XPO6: variants seen among roughly 807,000 people sequenced by gnomAD.
XPO6 encodes exportin 6.
A neutral mutation model predicts 130.0 loss-of-function variants in XPO6; 3 were observed. The ratio of observed to expected loss-of-function variants is 0.02; its 90% CI spans 0.01 to 0.06. The LOEUF is 0.06. Ranked by LOEUF, XPO6 falls within the 10% of genes least tolerant of loss-of-function variation. XPO6 has a pLI of 1.00. For missense variants in XPO6, 970 were observed against 1,393.0 expected, an observed-to-expected ratio of 0.70 and a Z score of 4.83; for synonymous variants, 524 against 548.9, an observed-to-expected ratio of 0.95 and a Z score of 0.63.
chr16:28,139,174 G>A (rs1035742437), intron 9 of XPO6, among the ~76,000 whole-genome samples: 2 of 152,188 alleles, frequency 1.3e-5, no homozygotes, highest in Non-Finnish European at 1.5e-5. Context: ...CAATAGGACT[G>A]TTGCCCTTAT....
rs117969488 is a variant in XPO6, at chr16:28,132,906, G to A, written c.1537-503C>T. On this transcript the variant is annotated intron_variant, in intron 11 of 23. Transcript: ENST00000304658. This position sits in a 1 kb window ranked among gnomAD's most constrained non-coding sequence, Gnocchi z 4.0. ...AAGTAGCGGTCAGAACGTCATAACCGGAGCTGCATCTTTCTTTCTCAAGCT... is the reference window on the plus strand; with the variant it reads ...AAGTAGCGGTCAGAACGTCATAACCAGAGCTGCATCTTTCTTTCTCAAGCT... 0.028 allele frequency among the ~76,000 whole-genome samples: 4,259 copies of A among 152,236 alleles called. 89 individuals are homozygous for A. The highest frequency in any genetic ancestry group is 0.042 in the Non-Finnish European group (2,848 of 68,000).
rs759776569 is a variant in XPO6, at chr16:28,174,919, C to T, written c.405+979G>A. ...TTCAAATGAGCAACAGCATCTCCCT[C>T]GTAGCTTTTAGGTCCCAGTTACTCC... On this transcript the variant is annotated intron_variant, in intron 4 of 23. Transcript: ENST00000304658. Among the ~76,000 whole-genome samples, 5 of 152,158 alleles carry T rather than the reference C, an allele frequency of 3.3e-5. No individual in the cohort carries two copies. In the East Asian group the frequency reaches 5.8e-4, roughly 18 times the overall value.
rs2086663964 is a variant in XPO6 at position 28,101,985 on chromosome 16, A to G, written c.2947-40T>C. 1.9e-6 allele frequency: 3 copies of G among 1,559,960 alleles called. No individual in the cohort carries two copies. Among genetic ancestry groups the G allele is most frequent in the Non-Finnish European group, 2.6e-6 (3 of 1,134,092 alleles). ...CACCATTTTATAAACTGCAAGACCA[A>G]GCACTTCTGGAGCATCTACCCCATG... On this transcript the variant is annotated intron_variant, in intron 21 of 23. Coordinates refer to ENST00000304658, the MANE Select transcript of XPO6 (RefSeq NM_015171.4). The surrounding 1 kb of genome is among the most constrained non-coding windows in gnomAD (Gnocchi z 5.4).
intron 1 of XPO6, among the ~76,000 whole-genome samples, chr16:28,203,939 T>C (rs1289342757): frequency 6.6e-6 from 1 of 152,120 alleles, no homozygotes; most frequent in Non-Finnish European, 1.5e-5. Flanking sequence ...CTCCCTAGGG[T>C]AGTACTGGAG....
At chr16:28,172,844 T>C (rs2043474672) in intron 4 of XPO6, among the ~76,000 whole-genome samples, 1 of 152,160 alleles carries the variant, frequency 6.6e-6, no homozygotes. Context: ...TGAAATGGAT[T>C]CCAGAACCAG....
rs764687179 is a variant in XPO6 at position 28,104,537 on chromosome 16, C to T, written c.2946+9G>A. ...AAGTCACCTGGCAGCAACCCCGCCC[C>T]CACGTTACCTGCATGATGGCACTGA... On this transcript the variant is annotated intron_variant, in intron 21 of 23. Coordinates refer to ENST00000304658, the MANE Select transcript of XPO6 (RefSeq NM_015171.4). The T allele has an allele frequency of 6.2e-7, 1 of 1,613,984 alleles. No individual in the cohort carries two copies. The highest frequency in any genetic ancestry group is 1.7e-5 in the Admixed American group (1 of 60,022).
chr16:28,188,428 T>C (rs1172335395), intron 1 of XPO6, among the ~76,000 whole-genome samples: 2 of 152,138 alleles, frequency 1.3e-5, no homozygotes, highest in Non-Finnish European at 2.9e-5. Context: ...AATATCCCTG[T>C]GGCATATCTA....
In XPO6 at chr16:28,111,184, T is replaced by C. The variant is rs920288522; in HGVS notation, c.2341+633A>G. 4 of 152,270 alleles carry C rather than the reference T, an allele frequency of 2.6e-5. No individual in the cohort carries two copies. In the South Asian group the frequency reaches 6.2e-4, roughly 24 times the overall value. The allele number at this position is 152,270 out of a possible 1,614,324, so 9.4% of individuals were successfully genotyped here. ...ATTTCACAAAGCATTTTTGCTGACA[T>C]TCCATAAATGGCACCATCTAATAAT... is the stretch of plus-strand genomic sequence containing the variant. On this transcript the variant is annotated intron_variant, in intron 17 of 23. Transcript: ENST00000304658.
Position 28,106,508 on chromosome 16 carries a change from G to T in XPO6, c.2498-11C>A. The T allele has an allele frequency of 6.2e-7, 1 of 1,608,868 alleles. No homozygotes were observed. Reference sequence around the variant, plus strand: ...TCTCATCAGTCACATCTGAGGAAAGGGGCAGAGATATCGTCAGAGGCTTGC... The same window carrying T: ...TCTCATCAGTCACATCTGAGGAAAGTGGCAGAGATATCGTCAGAGGCTTGC... On this transcript the variant is annotated splice_polypyrimidine_tract_variant and intron_variant, in intron 18 of 23. Transcript: ENST00000304658. The surrounding 1 kb of genome is among the most constrained non-coding windows in gnomAD (Gnocchi z 4.2).
chr16:28,137,177 A>C (rs1194049073), intron 9 of XPO6, among the ~76,000 whole-genome samples: 2 of 152,186 alleles, frequency 1.3e-5, no homozygotes, highest in Admixed American at 1.3e-4. Context: ...CCCAGTTCGA[A>C]AAGATCCCTC....
intron 13 of XPO6, among the ~76,000 whole-genome samples, chr16:28,122,283 C>T (rs1405072863): frequency 3.3e-5 from 5 of 151,924 alleles, no homozygotes; most frequent in African/African-American, 1.2e-4. Flanking sequence ...AAATTATCTA[C>T]AATTAATATA....
At chr16:28,105,848 T>C (rs1410224793) in intron 20 of XPO6, 195 bp downstream of exon 20, 6 of 791,240 alleles carry the variant, frequency 7.6e-6, no homozygotes, top group African/African-American at 5.2e-5. Flanking sequence ...TACACTAGAC[T>C]AGCTCCAATG....
intron 1 of XPO6, among the ~76,000 whole-genome samples, chr16:28,192,035 A>G (rs1235171483): frequency 6.6e-6 from 1 of 152,094 alleles, no homozygotes; most frequent in Non-Finnish European, 1.5e-5. Context: ...TGAGGCAGGC[A>G]GATCACCTGA....
At chr16:28,169,153 C>G (rs987033260) in intron 5 of XPO6, among the ~76,000 whole-genome samples, 12 of 152,220 alleles carry the variant, frequency 7.9e-5, no homozygotes, top group Admixed American at 2.6e-4. Context: ...AAACAGGTAT[C>G]ACAGCAGCAC....
At chr16:28,121,528 C>A in intron 14 of XPO6, 142 bp downstream of exon 14, 2 of 704,410 alleles carry the variant, frequency 2.8e-6, no homozygotes, top group East Asian at 5.0e-5. Context: ...AAAAAAATCT[C>A]TCTCTCTTTC....
At chr16:28,160,453 A>G (rs1443743715) in intron 6 of XPO6, among the ~76,000 whole-genome samples, 2 of 143,550 alleles carry the variant, frequency 1.4e-5, no homozygotes. Flanking sequence ...GCAGTGAGCC[A>G]AGATCATGCC....
intron 2 of XPO6, 24 bp downstream of exon 2, chr16:28,180,916 CT>C: frequency 6.3e-7 from 1 of 1,597,064 alleles, no homozygotes; most frequent in Non-Finnish European, 8.5e-7. Context: ...ATAAATTCCT[CT>C]TTACAAGTCA....
chr16:28,139,759 A>T (rs923301548), intron 9 of XPO6, among the ~76,000 whole-genome samples: 5 of 152,238 alleles, frequency 3.3e-5, no homozygotes, highest in Admixed American at 6.5e-5. Flanking sequence ...CACATAAAGA[A>T]ATGTGGTCCA....
intron 1 of XPO6, among the ~76,000 whole-genome samples, chr16:28,207,484 A>T (rs542855431): frequency 6.6e-6 from 1 of 152,364 alleles, no homozygotes; most frequent in East Asian, 1.9e-4. Context: ...TGATTTAATC[A>T]AATACAGTTA....
Sources: allele counts gnomAD v4.1 joint callset (sites outside exome capture counted in the v4.1 genomes callset), GRCh38; gene constraint gnomAD v4.1.1; non-coding constraint Gnocchi (gnomAD v3.1); transcripts MANE v1.5; gene names NCBI Gene and HGNC (gene_info 2026-07-23, HGNC 2026-07-21).